Variants in ATE1 observed in about 807,000 individuals in gnomAD.
The protein encoded by ATE1 is arginyl-tRNA--protein transferase 1.
Under a neutral mutation model 70.5 loss-of-function variants are expected in ATE1, and 36 were observed. That is an observed-to-expected ratio of 0.51 (90% confidence interval 0.39 to 0.67). ATE1 has a LOEUF of 0.67. ATE1 is among the 30% of genes least tolerant of loss of function. The pLI is 0.00. For synonymous variants in ATE1, 232 were observed against 219.3 expected, an observed-to-expected ratio of 1.06 and a Z score of -0.51; for missense variants, 593 against 629.5, an observed-to-expected ratio of 0.94 and a Z score of 0.62.
intron 1 of ATE1, 148 bp from the exon 2 acceptor site, chr10:121,924,477 A>G: frequency 9.0e-6 from 6 of 669,994 alleles, no homozygotes; most frequent in South Asian, 8.8e-5. Context: ...AAGGCGGGCA[A>G]ATCACAAGGT....
chr10:121,923,188 T>C (rs1187247910), intron 2 of ATE1, among the ~76,000 whole-genome samples: 2 of 152,240 alleles, frequency 1.3e-5, no homozygotes, highest in Non-Finnish European at 2.9e-5. Context: ...TAAAAAGTTC[T>C]GGCCAGGCAT....
At chr10:121,795,294 A>G (rs1026545564) in intron 10 of ATE1, among the ~76,000 whole-genome samples, 1 of 152,204 alleles carries the variant, frequency 6.6e-6, no homozygotes, top group Non-Finnish European at 1.5e-5. Context: ...TATTTAGTCA[A>G]TGAACATTAC....
rs7082185 is a variant in ATE1 at position 121,874,160 on chromosome 10, T to C, written c.943-4122A>G. Among the ~76,000 whole-genome samples the C allele has an allele frequency of 6.9e-3, 1,048 of 152,296 alleles. 18 individuals carry two copies. The highest frequency in any genetic ancestry group is 0.024 in the African/African-American group (1,007 of 41,588). On this transcript the variant is annotated intron_variant, in intron 7 of 11. Coordinates refer to ENST00000224652, the MANE Select transcript of ATE1 (RefSeq NM_001001976.3). ...AATTATCAATCTAAATTACACCTCA[T>C]TGTAAAATACTAAATTCTATCAGGA...
intron 10 of ATE1, among the ~76,000 whole-genome samples, chr10:121,817,089 G>A (rs925854451): frequency 3.3e-5 from 5 of 152,086 alleles, no homozygotes; most frequent in African/African-American, 1.2e-4. Context: ...ATTATAAAAA[G>A]ACCTATCCTG....
chr10:121,861,236 T>A (rs1949455734), intron 8 of ATE1, among the ~76,000 whole-genome samples: 1 of 152,092 alleles, frequency 6.6e-6, no homozygotes. Flanking sequence ...CCTATACTAA[T>A]CCAAGCCCCA....
chr10:121,743,999 T>G (rs1000446674), intron 11 of ATE1, 141 bp from the exon 12 acceptor site: 2 of 883,758 alleles, frequency 2.3e-6, no homozygotes, highest in Non-Finnish European at 3.2e-6. Flanking sequence ...CTCACCTCAC[T>G]GCAACATCCA....
At chr10:121,788,602 C>T (rs1321959430) in intron 11 of ATE1, among the ~76,000 whole-genome samples, 3 of 152,138 alleles carry the variant, frequency 2.0e-5, no homozygotes, top group Non-Finnish European at 4.4e-5. Flanking sequence ...CGTCCCTTTC[C>T]CCACCCCCTT....
At chr10:121,855,264 G>A (rs1949204804) in intron 8 of ATE1, among the ~76,000 whole-genome samples, 1 of 152,160 alleles carries the variant, frequency 6.6e-6, no homozygotes, top group Admixed American at 6.5e-5. Flanking sequence ...ATAATTCCAT[G>A]TACTACCTCA....
intron 11 of ATE1, among the ~76,000 whole-genome samples, chr10:121,762,747 T>C (rs902429782): frequency 2.0e-5 from 3 of 152,240 alleles, no homozygotes; most frequent in African/African-American, 7.2e-5. Flanking sequence ...GGAACTGGAA[T>C]CACAGGTAAA....
intron 5 of ATE1, among the ~76,000 whole-genome samples, chr10:121,908,894 A>G (rs1397545045): frequency 6.6e-6 from 1 of 152,246 alleles, no homozygotes; most frequent in Non-Finnish European, 1.5e-5. Context: ...TTAAACTGCA[A>G]ACGTAACCTG....
intron 7 of ATE1, among the ~76,000 whole-genome samples, chr10:121,888,478 A>G (rs530605920): frequency 1.4e-4 from 21 of 152,324 alleles, no homozygotes; most frequent in Admixed American, 1.2e-3. Context: ...CAACAGACTT[A>G]AATGTCCCCA....
chr10:121,851,090 C>CAAAAAAAAAAAAA (rs10603053), intron 8 of ATE1, among the ~76,000 whole-genome samples: 4 of 43,220 alleles, frequency 9.3e-5, no homozygotes, highest in African/African-American at 4.0e-4. Context: ...GACTCCATCT[C>CAAAAAAAAAAAAA]AAAAAAAAAA....
chr10:121,868,264 C>T (rs1280883879), intron 8 of ATE1, among the ~76,000 whole-genome samples: 2 of 152,114 alleles, frequency 1.3e-5, no homozygotes, highest in African/African-American at 4.8e-5. Context: ...AAAATCCAAC[C>T]ACATTTTATG....
intron 11 of ATE1, among the ~76,000 whole-genome samples, chr10:121,744,438 A>C (rs1564801760): frequency 6.6e-6 from 1 of 152,112 alleles, no homozygotes; most frequent in Non-Finnish European, 1.5e-5. Context: ...TCTAATTAGA[A>C]CACTGGCCTC....
chr10:121,896,064 C>A (rs1392077536), intron 7 of ATE1, among the ~76,000 whole-genome samples: 1 of 152,120 alleles, frequency 6.6e-6, no homozygotes, highest in Non-Finnish European at 1.5e-5. Flanking sequence ...TTTTTAAGTG[C>A]TTCTTTATTA....
At chr10:121,776,745 C>A (rs140624277) in intron 11 of ATE1, among the ~76,000 whole-genome samples, 1 of 152,216 alleles carries the variant, frequency 6.6e-6, no homozygotes, top group South Asian at 2.1e-4. Context: ...CGCATGCACG[C>A]GTGTGCACAG....
At chr10:121,904,597 C>T (rs1440404331) in intron 5 of ATE1, among the ~76,000 whole-genome samples, 6 of 144,352 alleles carry the variant, frequency 4.2e-5, no homozygotes, top group Admixed American at 2.8e-4. Context: ...GCTGAGACTG[C>T]GCCACTGCAC....
chr10:121,771,097 A>T (rs1945498671), intron 11 of ATE1, among the ~76,000 whole-genome samples: 1 of 152,102 alleles, frequency 6.6e-6, no homozygotes, highest in Non-Finnish European at 1.5e-5. Flanking sequence ...TTTGAGACAG[A>T]GTCCCACTTT....
chr10:121,903,534 A>T (rs1200721365), intron 5 of ATE1, among the ~76,000 whole-genome samples: 5 of 152,056 alleles, frequency 3.3e-5, no homozygotes, highest in Non-Finnish European at 7.4e-5. Context: ...TAAAAATACA[A>T]AAATCAGCCA....
Sources: allele counts gnomAD v4.1 joint callset (sites outside exome capture counted in the v4.1 genomes callset), GRCh38; gene constraint gnomAD v4.1.1; transcripts MANE v1.5; gene names NCBI Gene and HGNC (gene_info 2026-07-23, HGNC 2026-07-21).